SAG: variants seen among roughly 807,000 people sequenced by gnomAD.
The protein encoded by SAG is S-arrestin.
Under a neutral mutation model 55.0 loss-of-function variants are expected in SAG, and 45 were observed. The ratio of observed to expected loss-of-function variants is 0.82; its 90% CI spans 0.64 to 1.05. The LOEUF is 1.05. SAG is among the 50% of genes least tolerant of loss of function. The pLI is 0.00. For synonymous variants in SAG, 189 were observed against 197.4 expected, an observed-to-expected ratio of 0.96 and a Z score of 0.36; for missense variants, 455 against 512.1, an observed-to-expected ratio of 0.89 and a Z score of 1.08.
chr2:233,338,998 C>A, intron 12 of SAG: 1 of 601,370 alleles, frequency 1.7e-6, no homozygotes, highest in Non-Finnish European at 3.0e-6. Flanking sequence ...CGCCACTTTG[C>A]AAAAATACGT....
chr2:233,308,575 T>C (rs112351368), intron 1 of SAG, among the ~76,000 whole-genome samples: 354 of 152,202 alleles, frequency 2.3e-3, no homozygotes, highest in African/African-American at 7.8e-3. Flanking sequence ...AAATAGAACT[T>C]TTGGGATTTT....
chr2:233,312,216 C>T (rs997648427), intron 2 of SAG, among the ~76,000 whole-genome samples: 5 of 152,152 alleles, frequency 3.3e-5, no homozygotes, highest in Non-Finnish European at 7.4e-5. Context: ...GTTCTTCTTC[C>T]CTTGCAGCCA....
At chr2:233,335,343 C>A (rs1700891151) in intron 11 of SAG, among the ~76,000 whole-genome samples, 1 of 152,170 alleles carries the variant, frequency 6.6e-6, no homozygotes, top group Admixed American at 6.6e-5. Flanking sequence ...TGCTGCTGAC[C>A]CTGGGAAAAC....
chr2:233,312,872 C>T (rs1700114100), intron 2 of SAG, among the ~76,000 whole-genome samples: 1 of 152,196 alleles, frequency 6.6e-6, no homozygotes, highest in Admixed American at 6.5e-5. Flanking sequence ...TCCCCACCAG[C>T]CTTTGCCCTG....
At chr2:233,317,087 C>T (rs983825457) in intron 3 of SAG, among the ~76,000 whole-genome samples, 2 of 152,160 alleles carry the variant, frequency 1.3e-5, no homozygotes, top group Non-Finnish European at 2.9e-5. Context: ...GTCTTGAACT[C>T]CTGAGCTCAA....
In SAG at chr2:233,328,340, G is replaced by C. The variant is rs72978317; in HGVS notation, c.513-138G>C. On this transcript the variant is annotated intron_variant, in intron 7 of 15. Transcript: ENST00000409110. ...GCTGCCTCAGGCTCTGACCAGTGTC[G>C]TTGCCCTCTTCCCGTCCACCCTGTC... 59,850 of 1,041,674 alleles carry C rather than the reference G, an allele frequency of 0.057. 2,042 individuals carry two copies. The highest frequency in any genetic ancestry group is 0.11 in the South Asian group (6,529 of 61,602). 64.5% of individuals were successfully genotyped at this position (1,041,674 alleles called of 1,614,324 possible).
chr2:233,318,973 T>A (rs1700296052), intron 4 of SAG, 178 bp downstream of exon 4: 1 of 725,396 alleles, frequency 1.4e-6, no homozygotes, highest in African/African-American at 1.7e-5. Flanking sequence ...TCACGTGACA[T>A]AGGTCCTGTT....
intron 11 of SAG, 88 bp downstream of exon 11, chr2:233,335,187 G>GGCAC: frequency 6.7e-7 from 1 of 1,495,464 alleles, no homozygotes; most frequent in Non-Finnish European, 9.0e-7. Flanking sequence ...TGGGCTCGCA[G>GGCAC]GCACGCACGT....
At position 233,319,903 on chromosome 2, in the gene SAG, C is replaced by G; in HGVS notation, c.182-727C>G. 3 of 985,652 alleles carry G rather than the reference C, an allele frequency of 3.0e-6. No individual in the cohort carries two copies. The African/African-American group carries it at 5.2e-5, about 17-fold the overall frequency. 61.1% of individuals were successfully genotyped at this position (985,652 alleles called of 1,614,324 possible). On this transcript the variant is annotated intron_variant, in intron 4 of 15. Coordinates refer to ENST00000409110, the MANE Select transcript of SAG (RefSeq NM_000541.5). The surrounding 1 kb of genome is among the most constrained non-coding windows in gnomAD (Gnocchi z 4.4). ...AGGCAAAATTCTCAACCAACAGCTA[C>G]CACGCACTTGGCGGGGCCGCCTCTC...
chr2:233,309,280 G>C lies in SAG; in HGVS notation c.75+16G>C, dbSNP rs748596322. 3 of 1,601,858 alleles carry C rather than the reference G, an allele frequency of 1.9e-6. No individual in the cohort carries two copies. The Admixed American group carries it at 5.0e-5, about 27-fold the overall frequency. On this transcript the variant is annotated intron_variant, in intron 2 of 15. Coordinates refer to ENST00000409110, the MANE Select transcript of SAG (RefSeq NM_000541.5). Reference sequence around the variant, plus strand: ...GGACAAATCGGTGAGTGGTGCACAAGTGAGTGATTTGATAGAAATTATTGT... The same window carrying C: ...GGACAAATCGGTGAGTGGTGCACAACTGAGTGATTTGATAGAAATTATTGT...
rs1190870279 is a variant in SAG at position 233,315,932 on chromosome 2, C to T, written c.76-143C>T. ...ATATTGGCCAGGCTCAAACTCCTGA[C>T]CTCGTGATCCGCCCGCCTTGGCCTC... is the stretch of plus-strand genomic sequence containing the variant. On this transcript the variant is annotated intron_variant, in intron 2 of 15. Coordinates refer to ENST00000409110, the MANE Select transcript of SAG (RefSeq NM_000541.5). The T allele has an allele frequency of 3.0e-5, 18 of 605,260 alleles. No homozygotes were observed. In the Admixed American group the frequency reaches 5.1e-4, roughly 17 times the overall value. The allele number at this position is 605,260 out of a possible 1,614,324, so 37.5% of individuals were successfully genotyped here. A position where few individuals can be genotyped will look rare whatever the true frequency, so the allele number is the denominator to read the frequency against.
chr2:233,323,061 CT>C (rs1264886685), intron 6 of SAG, 56 bp downstream of exon 6: 2 of 1,094,030 alleles, frequency 1.8e-6, no homozygotes, highest in Non-Finnish European at 2.7e-6. Flanking sequence ...CTTCAATAGA[CT>C]TTTTTATTGT....
rs74356516 is a variant in SAG at position 233,320,834 on chromosome 2, C to T, written c.375+11C>T. The T allele has an allele frequency of 0.053, 82,640 of 1,572,420 alleles. 2,674 individuals are homozygous for T. The highest frequency in any genetic ancestry group is 0.064 in the Non-Finnish European group (73,997 of 1,158,720). ...CCCTTTCTCCTGACGGTGGGTGACT[C>T]CTCCGGCCAGCCCTGCTTCCTTCAC... On this transcript the variant is annotated intron_variant, in intron 5 of 15. Transcript: ENST00000409110.
At chr2:233,345,495 C>CG (rs1701225937) in intron 14 of SAG, 1 of 152,364 alleles carries the variant, frequency 6.6e-6, no homozygotes, top group Non-Finnish European at 1.5e-5. Context: ...CCAAGGCGGG[C>CG]GGAACACTTG....
At position 233,322,026 on chromosome 2, in the gene SAG, C is replaced by T. The variant is rs546958474; in HGVS notation, c.376-920C>T. ...ACACACACACACACACACACACACA[C>T]ACACACACACATTAGTCAGGCGTGG... On this transcript the variant is annotated intron_variant, in intron 5 of 15. Coordinates refer to ENST00000409110, the MANE Select transcript of SAG (RefSeq NM_000541.5). Among the ~76,000 whole-genome samples the T allele has an allele frequency of 3.0e-3, 278 of 94,146 alleles. 11 individuals are homozygous for T. In the South Asian group the frequency reaches 0.095, roughly 32 times the overall value. 61.8% of individuals were successfully genotyped at this position (94,146 alleles called of 152,430 possible).
At chr2:233,334,355 G>T (rs1366094516) in intron 10 of SAG, 3 of 152,258 alleles carry the variant, frequency 2.0e-5, no homozygotes, top group Admixed American at 2.0e-4. Context: ...TCCCAGACCC[G>T]CCTGTTGGCA....
chr2:233,346,753 A>C (rs1437295080), intron 15 of SAG, 54 bp from the exon 16 acceptor site: 3 of 1,163,552 alleles, frequency 2.6e-6, no homozygotes, highest in Non-Finnish European at 3.8e-6. Context: ...ATCTTGTTTC[A>C]GTTTCAGCTT....
chr2:233,326,396 C>A (rs1004632344), intron 6 of SAG, among the ~76,000 whole-genome samples: 2 of 152,008 alleles, frequency 1.3e-5, no homozygotes, highest in Non-Finnish European at 2.9e-5. Context: ...ACCAGCCTGG[C>A]CAACCTAGTG....
chr2:233,314,583 T>G (rs1166459546), intron 2 of SAG, among the ~76,000 whole-genome samples: 1 of 152,190 alleles, frequency 6.6e-6, no homozygotes, highest in Non-Finnish European at 1.5e-5. Context: ...AACCAGCAGG[T>G]AGCAGTGTGT....
Sources: gnomAD v4.1 joint callset for allele counts (sites outside exome capture counted in the v4.1 genomes callset) on GRCh38, gnomAD v4.1.1 for gene constraint, Gnocchi (gnomAD v3.1) non-coding constraint, MANE v1.5 for transcripts, NCBI Gene and HGNC (gene_info 2026-07-23, HGNC 2026-07-21) for gene names.